Variants in TMTC1 observed in about 807,000 individuals in gnomAD.
TMTC1 encodes the protein transmembrane O-mannosyltransferase targeting cadherins 1, also known as protein O-mannosyl-transferase TMTC1.
In TMTC1, 73 loss-of-function variants were observed where a neutral mutation model predicts 104.8. The observed-to-expected ratio is 0.70, with a 90% CI of 0.58 to 0.85. The LOEUF (loss-of-function observed/expected upper bound fraction) is 0.85. Ranked by LOEUF, TMTC1 falls within the 40% of genes least tolerant of loss-of-function variation. TMTC1 has a pLI of 0.00. For missense variants in TMTC1, 1,035 were observed against 1,096.1 expected (o/e 0.94, Z 0.79); for synonymous variants, 434 against 428.7 (o/e 1.01, Z -0.15).
chr12:29,597,886 C>G (rs1380083694), intron 7 of TMTC1, among the ~76,000 whole-genome samples: 3 of 152,070 alleles, frequency 2.0e-5, no homozygotes, highest in Non-Finnish European at 4.4e-5. Flanking sequence ...GACAAGAATA[C>G]CAGAAATATA....
At chr12:29,695,553 C>T (rs1320047019) in intron 5 of TMTC1, among the ~76,000 whole-genome samples, 1 of 151,924 alleles carries the variant, frequency 6.6e-6, no homozygotes, top group African/African-American at 2.4e-5. Context: ...GATCTGGCCG[C>T]CTCAGCCTCC....
At chr12:29,625,825 G>C (rs1035674120) in intron 6 of TMTC1, among the ~76,000 whole-genome samples, 3 of 152,154 alleles carry the variant, frequency 2.0e-5, no homozygotes, top group Non-Finnish European at 4.4e-5. Context: ...AATTAGCTGG[G>C]AGAAAGTCAA....
In TMTC1 at chr12:29,528,481, G is replaced by T. The variant is rs529536983; in HGVS notation, c.1785+7728C>A. Among the ~76,000 whole-genome samples the T allele has an allele frequency of 8.5e-5, 13 of 152,156 alleles. No individual in the cohort carries two copies. The South Asian group carries it at 2.7e-3, about 32-fold the overall frequency. On this transcript the variant is annotated intron_variant, in intron 11 of 17. Coordinates refer to ENST00000539277, the MANE Select transcript of TMTC1 (RefSeq NM_001193451.2). Reference sequence around the variant, plus strand: ...TTTCAGTGGTGTGGAAATAAAATGGGCCTTGGAAGAGAGATAAAACACAGT... The same window carrying T: ...TTTCAGTGGTGTGGAAATAAAATGGTCCTTGGAAGAGAGATAAAACACAGT...
intron 9 of TMTC1, chr12:29,568,947 T>C (rs1003620229): frequency 2.2e-6 from 1 of 455,928 alleles, no homozygotes; most frequent in Non-Finnish European, 4.4e-6. Flanking sequence ...AGTGTTTTTC[T>C]GAATCTCCAG....
chr12:29,768,168 T>C (rs1198515315), intron 1 of TMTC1, 93 bp from the exon 2 acceptor site: 28 of 950,834 alleles, frequency 2.9e-5, no homozygotes, highest in Non-Finnish European at 3.9e-5. Context: ...TTTAAAAAGA[T>C]AAGCTATTAG....
intron 9 of TMTC1, among the ~76,000 whole-genome samples, chr12:29,570,079 T>C (rs1174187980): frequency 6.6e-6 from 1 of 152,208 alleles, no homozygotes; most frequent in Non-Finnish European, 1.5e-5. Context: ...ATAAAACCAA[T>C]TAAAAAGATA....
intron 5 of TMTC1, among the ~76,000 whole-genome samples, chr12:29,738,107 C>T (rs116702875): frequency 9.7e-4 from 148 of 152,270 alleles, no homozygotes; most frequent in African/African-American, 3.3e-3. Flanking sequence ...AGAGTCTTCA[C>T]ATATGTCACA....
At chr12:29,642,940 C>T (rs1041651832) in intron 5 of TMTC1, among the ~76,000 whole-genome samples, 2 of 148,134 alleles carry the variant, frequency 1.4e-5, no homozygotes, top group African/African-American at 5.0e-5. Context: ...AAAAAACTCC[C>T]AAACAAACAA....
intron 8 of TMTC1, among the ~76,000 whole-genome samples, chr12:29,577,374 A>C (rs754295898): frequency 1.1e-4 from 17 of 152,128 alleles, no homozygotes; most frequent in Non-Finnish European, 2.2e-4. Context: ...TCTGAACAAA[A>C]CTTGCTGCAG....
chr12:29,556,088 T>C (rs538016359), intron 10 of TMTC1, among the ~76,000 whole-genome samples: 1 of 152,136 alleles, frequency 6.6e-6, no homozygotes, highest in African/African-American at 2.4e-5. Context: ...ATTCCATAAC[T>C]ACCACCACCG....
intron 6 of TMTC1, among the ~76,000 whole-genome samples, chr12:29,623,315 T>C (rs1002293596): frequency 1.3e-5 from 2 of 152,230 alleles, no homozygotes; most frequent in Non-Finnish European, 2.9e-5. Context: ...TTTGTAGTTT[T>C]ATAAAGTTAA....
At chr12:29,669,458 C>G (rs10771560) in intron 5 of TMTC1, among the ~76,000 whole-genome samples, 84,319 of 152,010 alleles carry the variant, frequency 0.55, 23,621 homozygotes, top group African/African-American at 0.63. Context: ...GTAGAGTGCC[C>G]ACTCTGAAGT....
At chr12:29,566,493 T>G (rs1008476558) in intron 9 of TMTC1, among the ~76,000 whole-genome samples, 4 of 152,096 alleles carry the variant, frequency 2.6e-5, no homozygotes, top group African/African-American at 9.7e-5. Context: ...CCTGACCTCA[T>G]GTAATCCACC....
At chr12:29,587,352 T>A (rs538795513) in intron 7 of TMTC1, among the ~76,000 whole-genome samples, 60 of 152,102 alleles carry the variant, frequency 3.9e-4, no homozygotes, top group African/African-American at 1.2e-3. Context: ...TTATTTTTTT[T>A]AGACAGGGAC....
intron 5 of TMTC1, among the ~76,000 whole-genome samples, chr12:29,662,426 C>T (rs1036081605): frequency 1.8e-4 from 27 of 151,940 alleles, no homozygotes; most frequent in Middle Eastern, 3.4e-3. Context: ...CGGAGGCAGG[C>T]GGATCACGAG....
At chr12:29,743,534 T>C (rs1401416890) in intron 5 of TMTC1, among the ~76,000 whole-genome samples, 1 of 152,174 alleles carries the variant, frequency 6.6e-6, no homozygotes, top group Non-Finnish European at 1.5e-5. Flanking sequence ...AAAAATTTCA[T>C]TTAAGCATGT....
chr12:29,704,852 A>G (rs1283029187), intron 5 of TMTC1, among the ~76,000 whole-genome samples: 4 of 152,186 alleles, frequency 2.6e-5, no homozygotes, highest in African/African-American at 4.8e-5. Context: ...CTTCCAGGAG[A>G]ATTCAACTCT....
intron 5 of TMTC1, among the ~76,000 whole-genome samples, chr12:29,719,731 T>C (rs542710152): frequency 4.9e-4 from 75 of 152,248 alleles, no homozygotes; most frequent in Non-Finnish European, 8.5e-4. Context: ...ACTTAATGAA[T>C]GCTTTCATAG....
At chr12:29,689,811 T>C (rs1941210454) in intron 5 of TMTC1, among the ~76,000 whole-genome samples, 2 of 152,234 alleles carry the variant, frequency 1.3e-5, no homozygotes, top group South Asian at 2.1e-4. Context: ...TCATCCCCTG[T>C]GAAGGATTCC....
Sources: gnomAD v4.1 joint callset for allele counts (sites outside exome capture counted in the v4.1 genomes callset) on GRCh38, gnomAD v4.1.1 for gene constraint, MANE v1.5 for transcripts, NCBI Gene and HGNC (gene_info 2026-07-23, HGNC 2026-07-21) for gene names.